The following CCDC38 variants were observed in gnomAD, a reference collection of about 807,000 sequenced individuals.
CCDC38 encodes the protein coiled-coil domain containing 38, also known as coiled-coil domain-containing protein 38.
Under a neutral mutation model 72.8 loss-of-function variants are expected in CCDC38, and 69 were observed. The ratio of observed to expected loss-of-function variants is 0.95; its 90% CI spans 0.78 to 1.16. The LOEUF (loss-of-function observed/expected upper bound fraction) is 1.16, where lower values mean the gene tolerates loss of function less well. Ranked by LOEUF, CCDC38 falls within the 50% of genes most tolerant of loss-of-function variation. CCDC38 has a pLI of 0.00. For missense variants in CCDC38, 626 were observed against 638.9 expected (o/e 0.98, Z 0.22); for synonymous variants, 201 against 213.2 (o/e 0.94, Z 0.50).
intron 10 of CCDC38, 137 bp downstream of exon 10, chr12:95,888,321 A>G: frequency 1.3e-6 from 1 of 745,492 alleles, no homozygotes; most frequent in South Asian, 1.7e-5. Context: ...AGGAGTGCAC[A>G]GAAATGGCAC....
At chr12:95,931,976 G>A (rs1407764613) in intron 2 of CCDC38, among the ~76,000 whole-genome samples, 1 of 152,096 alleles carries the variant, frequency 6.6e-6, no homozygotes, top group African/African-American at 2.4e-5. Context: ...TCTTGTGTGT[G>A]TTCAAGAAAG....
chr12:95,907,108 C>T (rs1226336791), intron 4 of CCDC38, among the ~76,000 whole-genome samples: 1 of 150,388 alleles, frequency 6.6e-6, no homozygotes, highest in South Asian at 2.1e-4. Flanking sequence ...TGAGTGGACA[C>T]AGCACATGTT....
At chr12:95,893,911 AAATAAAACATAACATGTTAGGTT>A (rs1331996602) in intron 8 of CCDC38, among the ~76,000 whole-genome samples, 2 of 152,062 alleles carry the variant, frequency 1.3e-5, no homozygotes, top group Non-Finnish European at 1.5e-5. Flanking sequence ...GTTAATATAT[AAATAAAACATAACATGTTAGGTT>A]AATAAAACAT....
At chr12:95,908,168 C>A (rs2080034136) in intron 4 of CCDC38, among the ~76,000 whole-genome samples, 1 of 151,880 alleles carries the variant, frequency 6.6e-6, no homozygotes, top group African/African-American at 2.4e-5. Flanking sequence ...CCAGCCTGGG[C>A]ACCATTGAGC....
At position 95,900,906 on chromosome 12, in the gene CCDC38, G is replaced by A. The variant is rs77653545; in HGVS notation, c.370-2175C>T. Among the ~76,000 whole-genome samples the A allele has an allele frequency of 1.4e-4, 21 of 152,268 alleles. No individual in the cohort carries two copies. The East Asian group carries it at 3.1e-3, about 22-fold the overall frequency. Reference sequence around the variant, plus strand: ...GTTTGGGATTATGGCATTTTGGATCGTTGTCTTTTGGGACAAGAGAAAGAG... The same window carrying A: ...GTTTGGGATTATGGCATTTTGGATCATTGTCTTTTGGGACAAGAGAAAGAG... On this transcript the variant is annotated intron_variant, in intron 5 of 15. Transcript: ENST00000344280.
Position 95,869,469 on chromosome 12 carries a change from G to A in CCDC38, c.1578+11C>T. 1 of 1,605,778 alleles carries A rather than the reference G, an allele frequency of 6.2e-7. No individual in the cohort carries two copies. The highest frequency in any genetic ancestry group is 1.3e-5 in the African/African-American group (1 of 74,680). ...ATTGATATGGCTGGATCTATTAATA[G>A]CAAAACAAACCTTTTTCTTTGGTTG... On this transcript the variant is annotated intron_variant, in intron 15 of 15. Transcript: ENST00000344280.
intron 4 of CCDC38, among the ~76,000 whole-genome samples, chr12:95,916,420 T>TTCCTTCCTTCCTTCCTTCCTTC (rs1565961062): frequency 1.3e-4 from 17 of 126,112 alleles, no homozygotes; most frequent in Admixed American, 3.6e-4. Flanking sequence ...TTCCTTCCTT[T>TTCCTTCCTTCCTTCCTTCCTTC]TTTCCCTTCT....
At chr12:95,877,437 T>G (rs2079647553) in intron 13 of CCDC38, among the ~76,000 whole-genome samples, 1 of 152,198 alleles carries the variant, frequency 6.6e-6, no homozygotes, top group African/African-American at 2.4e-5. Context: ...CATCTGCATC[T>G]CGTTATTGGG....
At chr12:95,927,821 AT>A (rs958044298) in intron 2 of CCDC38, among the ~76,000 whole-genome samples, 2 of 149,268 alleles carry the variant, frequency 1.3e-5, no homozygotes, top group African/African-American at 2.5e-5. Flanking sequence ...TGGATATGAA[AT>A]TCTGGGTTGA....
intron 3 of CCDC38, among the ~76,000 whole-genome samples, chr12:95,917,512 C>A (rs2080158603): frequency 6.6e-6 from 1 of 152,056 alleles, no homozygotes; most frequent in African/African-American, 2.4e-5. Flanking sequence ...ATCACAAATA[C>A]AAGACTGGAA....
Position 95,918,917 on chromosome 12 carries a change from G to C in CCDC38, c.97C>G (p.Leu33Val). Residue 33 changes from leucine (L) to valine (V), a missense_variant, in exon 3 of 16, where the codon CTC (leucine) becomes GTC (valine). Coordinates refer to ENST00000344280, the MANE Select transcript of CCDC38 (RefSeq NM_182496.3). Reference protein sequence around the residue: ...DRPYKIFFRDLFLVKENEMAA... With the variant: ...DRPYKIFFRDVFLVKENEMAA... ...ATTTCATTTTCTTTGACAAGAAAGA[G>C]ATCTCTGAAAAAGATCTTATAAGGC... The C allele has an allele frequency of 6.2e-7, 1 of 1,612,746 alleles. No homozygotes were observed.
intron 12 of CCDC38, among the ~76,000 whole-genome samples, chr12:95,878,583 C>A (rs2079663225): frequency 6.6e-6 from 1 of 152,218 alleles, no homozygotes; most frequent in Non-Finnish European, 1.5e-5. Context: ...CCCTCCCCTA[C>A]TTTTGTGGTT....
intron 2 of CCDC38, among the ~76,000 whole-genome samples, chr12:95,923,532 CTTTT>C (rs112996030): frequency 0.43 from 65,250 of 150,024 alleles, 14,418 homozygotes; most frequent in Admixed American, 0.55. Flanking sequence ...TCCCAAGTGT[CTTTT>C]TTTTTTTAAT....
chr12:95,872,157 CTATAA>C (rs2079587248), intron 14 of CCDC38, 93 bp downstream of exon 14: 1 of 1,070,664 alleles, frequency 9.3e-7, no homozygotes, highest in African/African-American at 1.6e-5. Context: ...CACTGTGTCC[CTATAA>C]TATGACATTA....
At chr12:95,878,412 G>A in intron 12 of CCDC38, 66 bp from the exon 13 acceptor site, 1 of 1,485,914 alleles carries the variant, frequency 6.7e-7, no homozygotes, top group Non-Finnish European at 9.2e-7. Flanking sequence ...CATCAGTCAG[G>A]AGCTTTAACA....
intron 2 of CCDC38, chr12:95,935,655 A>G (rs964252815): frequency 7.2e-5 from 12 of 166,896 alleles, no homozygotes; most frequent in African/African-American, 2.9e-4. Flanking sequence ...ATGCCTATAG[A>G]GAGCCTGAGT....
intron 5 of CCDC38, chr12:95,903,661 A>G (rs2079973038): frequency 2.1e-6 from 1 of 484,016 alleles, no homozygotes; most frequent in Non-Finnish European, 3.7e-6. Context: ...ATGGGTTTTC[A>G]TTTTTAATTT....
chr12:95,875,697 AC>A (rs940494522), intron 13 of CCDC38, among the ~76,000 whole-genome samples: 4 of 151,962 alleles, frequency 2.6e-5, no homozygotes, highest in South Asian at 4.2e-4. Flanking sequence ...CCCCTTCCCC[AC>A]CCCACATTTC....
At chr12:95,929,905 G>C (rs533173380) in intron 2 of CCDC38, among the ~76,000 whole-genome samples, 33 of 152,188 alleles carry the variant, frequency 2.2e-4, no homozygotes, top group African/African-American at 7.9e-4. Flanking sequence ...GCTTCTGATG[G>C]CTCTAGACAT....
Sources: allele counts gnomAD v4.1 joint callset (sites outside exome capture counted in the v4.1 genomes callset), GRCh38; gene constraint gnomAD v4.1.1; transcripts MANE v1.5; gene names NCBI Gene and HGNC (gene_info 2026-07-23, HGNC 2026-07-21).